Variants in FOXP2 observed in about 807,000 individuals in gnomAD.
The protein encoded by FOXP2 is forkhead box P2.
A neutral mutation model predicts 115.8 loss-of-function variants in FOXP2; 12 were observed. The observed-to-expected ratio is 0.10, with a 90% CI of 0.07 to 0.17. FOXP2 has a LOEUF of 0.17. FOXP2 is among the 10% of genes least tolerant of loss of function. The probability of loss-of-function intolerance (pLI) is 1.00; values close to 1 mark genes in which losing one functional copy is unlikely to be tolerated. For missense variants in FOXP2, 629 were observed against 843.5 expected, an observed-to-expected ratio of 0.75 and a Z score of 3.15; for synonymous variants, 328 against 297.7, an observed-to-expected ratio of 1.10 and a Z score of -1.05.
chr7:114,688,234 CA>C (rs1808473794), intron 16 of FOXP2, among the ~76,000 whole-genome samples: 1 of 115,920 alleles, frequency 8.6e-6, no homozygotes, highest in Non-Finnish European at 2.1e-5. Context: ...CACACACACA[CA>C]CACACACACA....
chr7:114,468,120 A>G (rs1795891553), intron 2 of FOXP2, among the ~76,000 whole-genome samples: 1 of 152,064 alleles, frequency 6.6e-6, no homozygotes, highest in Non-Finnish European at 1.5e-5. Context: ...GTTTATGAGA[A>G]TTTTCCCTTA....
chr7:114,402,667 TG>T (rs1263045598), intron 2 of FOXP2, among the ~76,000 whole-genome samples: 2 of 151,492 alleles, frequency 1.3e-5, no homozygotes, highest in African/African-American at 4.9e-5. Flanking sequence ...TCACCCAAGC[TG>T]GAGGCTGGAG....
At chr7:114,204,902 T>A (rs1416520991) in intron 1 of FOXP2, among the ~76,000 whole-genome samples, 1 of 117,176 alleles carries the variant, frequency 8.5e-6, no homozygotes, top group Non-Finnish European at 1.8e-5. Flanking sequence ...AGTTGGCTGT[T>A]GGTTGTGTGT....
chr7:114,459,950 G>T (rs1795490178), intron 2 of FOXP2, among the ~76,000 whole-genome samples: 1 of 152,040 alleles, frequency 6.6e-6, no homozygotes, highest in African/African-American at 2.4e-5. Context: ...TTGCTTAGAA[G>T]CCTTCAATTC....
chr7:114,445,368 C>T (rs1018445193), intron 2 of FOXP2, among the ~76,000 whole-genome samples: 2 of 152,110 alleles, frequency 1.3e-5, no homozygotes, highest in African/African-American at 4.8e-5. Flanking sequence ...GTTATGGTGA[C>T]CCTTTGCTAA....
chr7:114,254,068 A>G (rs1482417692), intron 1 of FOXP2, among the ~76,000 whole-genome samples: 2 of 152,194 alleles, frequency 1.3e-5, no homozygotes, highest in Non-Finnish European at 2.9e-5. Context: ...GTTTGGCTGT[A>G]TATGAAATTC....
intron 2 of FOXP2, among the ~76,000 whole-genome samples, chr7:114,473,899 T>C (rs1050893182): frequency 6.6e-6 from 1 of 152,106 alleles, no homozygotes; most frequent in African/African-American, 2.4e-5. Flanking sequence ...AAAAAAAGCT[T>C]TTCACTGAAT....
At chr7:114,397,473 CCTT>C (rs1227972604) in intron 2 of FOXP2, among the ~76,000 whole-genome samples, 5 of 151,940 alleles carry the variant, frequency 3.3e-5, no homozygotes, top group African/African-American at 1.2e-4. Flanking sequence ...TGGAGGAGCT[CCTT>C]CATACTGGGT....
chr7:114,514,540 A>T (rs917461423), intron 2 of FOXP2, among the ~76,000 whole-genome samples: 1 of 152,110 alleles, frequency 6.6e-6, no homozygotes, highest in Admixed American at 6.6e-5. Flanking sequence ...ATTTTACTTA[A>T]CATAATGTCC....
At chr7:114,103,688 G>A (rs539408166) in intron 1 of FOXP2, among the ~76,000 whole-genome samples, 5 of 152,110 alleles carry the variant, frequency 3.3e-5, no homozygotes, top group Admixed American at 6.6e-5. Context: ...TTCAGAATAT[G>A]TATCTCTTTT....
chr7:114,255,103 A>C (rs1219064906), intron 1 of FOXP2, among the ~76,000 whole-genome samples: 1 of 152,194 alleles, frequency 6.6e-6, no homozygotes. Flanking sequence ...GCTGCAGAAC[A>C]GCGAATATTG....
intron 2 of FOXP2, among the ~76,000 whole-genome samples, chr7:114,292,433 AT>A (rs1490452076): frequency 6.6e-6 from 1 of 151,946 alleles, no homozygotes; most frequent in Admixed American, 6.6e-5. Flanking sequence ...CACCAGACTA[AT>A]TACAGCCTAG....
Position 114,642,779 on chromosome 7 carries a change from A to AATATATATAT in FOXP2, c.989+181_989+190dup, listed in dbSNP as rs869055954. Among the ~76,000 whole-genome samples the AATATATATAT allele has an allele frequency of 9.9e-4, 90 of 91,158 alleles. 1 individual carries two copies. In the East Asian group the frequency reaches 0.029, roughly 29 times the overall value. The allele number at this position is 91,158 out of a possible 152,430, so 59.8% of individuals were successfully genotyped here. ...AGATTATTTATCTTATTTTATATAT[A>AATATATATAT]ATATATATATATATATATATATATA... On this transcript the variant is annotated intron_variant, in intron 7 of 16. Transcript: ENST00000350908.
At chr7:114,675,441 T>A (rs72603574) in intron 16 of FOXP2, among the ~76,000 whole-genome samples, 8,873 of 152,196 alleles carry the variant, frequency 0.058, 612 homozygotes, top group East Asian at 0.35. Context: ...GGAAAAGACA[T>A]TTAAATAATC....
chr7:114,117,393 T>G (rs1791439361), intron 1 of FOXP2, among the ~76,000 whole-genome samples: 1 of 151,902 alleles, frequency 6.6e-6, no homozygotes, highest in Non-Finnish European at 1.5e-5. Flanking sequence ...AGCTAGTTTT[T>G]GTATTTTCAG....
At chr7:114,382,531 A>G (rs1054197977) in intron 2 of FOXP2, among the ~76,000 whole-genome samples, 1 of 152,090 alleles carries the variant, frequency 6.6e-6, no homozygotes, top group Non-Finnish European at 1.5e-5. Flanking sequence ...CGATTTGCCC[A>G]GCTTTTCCCT....
intron 1 of FOXP2, among the ~76,000 whole-genome samples, chr7:114,144,347 T>A (rs1792305673): frequency 6.6e-6 from 1 of 152,184 alleles, no homozygotes; most frequent in East Asian, 1.9e-4. Context: ...ATCTTTTTAC[T>A]GTCTCTAATG....
chr7:114,673,214 C>G (rs1807588710), intron 16 of FOXP2, among the ~76,000 whole-genome samples: 1 of 152,152 alleles, frequency 6.6e-6, no homozygotes, highest in Non-Finnish European at 1.5e-5. Context: ...CAGATTAGAA[C>G]TATAAGGGTC....
chr7:114,256,298 G>C lies in FOXP2; in HGVS notation c.-101-31721G>C, dbSNP rs1795611404. ...TTTTGTATTTTTTTAGTAGAGACAGGGTTTCTCCATGTTGATCAGGCTGGT... is the reference window on the plus strand; with the variant it reads ...TTTTGTATTTTTTTAGTAGAGACAGCGTTTCTCCATGTTGATCAGGCTGGT... On this transcript the variant is annotated intron_variant, in intron 1 of 17. Transcript: ENST00000634411. 3.3e-5 allele frequency among the ~76,000 whole-genome samples: 5 copies of C among 152,164 alleles called. No individual in the cohort carries two copies. The South Asian group carries it at 1.0e-3, about 32-fold the overall frequency.
Sources: gnomAD v4.1 joint callset for allele counts (sites outside exome capture counted in the v4.1 genomes callset) on GRCh38, gnomAD v4.1.1 for gene constraint, MANE v1.5 for transcripts, NCBI Gene and HGNC (gene_info 2026-07-23, HGNC 2026-07-21) for gene names.